Variants in PITRM1 observed in about 807,000 individuals in gnomAD.
PITRM1 encodes the protein pitrilysin metallopeptidase 1.
PITRM1 carries 100 observed loss-of-function variants against 129.9 expected under a neutral mutation model. That is an observed-to-expected ratio of 0.77 (90% confidence interval 0.65 to 0.91). The LOEUF (loss-of-function observed/expected upper bound fraction) is 0.91. PITRM1 is among the 40% of genes least tolerant of loss of function. The probability of loss-of-function intolerance (pLI) is 0.00; values close to 1 mark genes in which losing one functional copy is unlikely to be tolerated. For synonymous variants in PITRM1, 591 were observed against 508.8 expected (o/e 1.16, Z -2.17); for missense variants, 1,471 against 1,318.3 (o/e 1.12, Z -1.79).
intron 24 of PITRM1, among the ~76,000 whole-genome samples, chr10:3,140,213 G>A (rs1209549372): frequency 6.6e-6 from 1 of 152,208 alleles, no homozygotes; most frequent in Non-Finnish European, 1.5e-5. Context: ...AGAAGCTCTT[G>A]GATACCCACA....
Position 3,155,621 on chromosome 10 carries a change from G to A in PITRM1, c.1591C>T (p.Pro531Ser). 1 of 1,613,892 alleles carries A rather than the reference G, an allele frequency of 6.2e-7. No individual in the cohort carries two copies. Among genetic ancestry groups the A allele is most frequent in the Non-Finnish European group, 8.5e-7 (1 of 1,179,876 alleles). The change falls in exon 14 of 27, where the codon CCC becomes TCC. Residue 531 changes from proline (P) to serine (S), a missense_variant. Physicochemically the swap from Pro to Ser is moderately conservative, Grantham distance 74 (BLOSUM62 -1). Transcript: ENST00000224949. ...TCGTAGATCTGCTGCCTGTCTCCGGGGGACAGAGCCTCGACCTTCTGCTTG... is the reference window on the plus strand; with the variant it reads ...TCGTAGATCTGCTGCCTGTCTCCGGAGGACAGAGCCTCGACCTTCTGCTTG... The part of the protein sequence containing the change: ...KLKQKVEALS[P>S]GDRQQIYEKG...
Position 3,144,180 on chromosome 10 carries a change from C to T in PITRM1, c.2532+112G>A, listed in dbSNP as rs934472195. ...TGCACTGAACTCGCAACTCTAGGGA[C>T]ACGCCAGCCCCACAGACAGGCGGAC... On this transcript the variant is annotated intron_variant, in intron 22 of 26. Transcript: ENST00000224949. 4 of 664,056 alleles carry T rather than the reference C, an allele frequency of 6.0e-6. No homozygotes were observed. The African/African-American group carries it at 7.3e-5, about 12-fold the overall frequency. The allele number at this position is 664,056 out of a possible 1,614,324, so 41.1% of individuals were successfully genotyped here.
intron 2 of PITRM1, among the ~76,000 whole-genome samples, chr10:3,169,506 A>G (rs1048813011): frequency 2.0e-5 from 3 of 152,236 alleles, no homozygotes; most frequent in African/African-American, 7.2e-5. Flanking sequence ...CGTTTGCTAT[A>G]ACATCAAGCA....
rs1436995657 is a variant in PITRM1 at position 3,172,735 on chromosome 10, A to G, written c.38T>C (p.Leu13Pro). 1.3e-6 allele frequency: 2 copies of G among 1,545,080 alleles called. No homozygotes were observed. Among genetic ancestry groups the G allele is most frequent in the African/African-American group, 1.4e-5 (1 of 72,592 alleles). Reference sequence around the variant, plus strand: ...GTCTCACCCGCCGCTCAGCCGCCTCAGCACACACAGGCCCTGCCGCCCGCC... The same window carrying G: ...GTCTCACCCGCCGCTCAGCCGCCTCGGCACACACAGGCCCTGCCGCCCGCC... ...RCGGRQGLCV[L>P]RRLSGGHAHH... The change falls in exon 1 of 27, where the codon CTG becomes CCG. Residue 13 changes from leucine to proline, a missense_variant. Transcript: ENST00000224949.
chr10:3,145,937 C>G, intron 20 of PITRM1: 1 of 529,224 alleles, frequency 1.9e-6, no homozygotes, highest in Non-Finnish European at 3.4e-6. Flanking sequence ...CTAATGAAGC[C>G]GTCCATACGC....
Position 3,159,030 on chromosome 10 carries a change from T to C in PITRM1, c.1020A>G (p.Thr340=). The C allele has an allele frequency of 6.2e-7, 1 of 1,612,888 alleles. No individual in the cohort carries two copies. The highest frequency in any genetic ancestry group is 8.5e-7 in the Non-Finnish European group (1 of 1,179,480). Residue 340 remains threonine, a synonymous_variant, in exon 10 of 27, where the codon ACA becomes ACG. Coordinates refer to ENST00000224949, the MANE Select transcript of PITRM1 (RefSeq NM_014889.4). ...VSFLLPDITD[T]FEAFTLSLLS... is the part of the protein sequence containing the mutation. ...GAAGACTTAATGTGAAGGCTTCAAA[T>C]GTGTCGGTGATGCTGCATTGAAAAA...
At chr10:3,157,584 G>A (rs186156052) in intron 11 of PITRM1, 53 bp from the exon 12 acceptor site, 197 of 1,202,876 alleles carry the variant, frequency 1.6e-4, no homozygotes, top group Non-Finnish European at 2.2e-4. Flanking sequence ...GCTCATGCTT[G>A]TAATCCCAGC....
At chr10:3,141,827 G>C in intron 23 of PITRM1, 2 of 292,700 alleles carry the variant, frequency 6.8e-6, no homozygotes, top group Non-Finnish European at 1.4e-5. Context: ...GAGAAGTCAC[G>C]ACCATCTCGT....
intron 1 of PITRM1, among the ~76,000 whole-genome samples, chr10:3,171,175 A>C (rs1271319572): frequency 2.9e-5 from 4 of 140,136 alleles, no homozygotes; most frequent in East Asian, 4.2e-4. Context: ...AAAAAAAAAA[A>C]AAAAAAAAAC....
At chr10:3,153,166 G>A (rs946652976) in intron 14 of PITRM1, among the ~76,000 whole-genome samples, 2 of 152,190 alleles carry the variant, frequency 1.3e-5, no homozygotes, top group African/African-American at 4.8e-5. Flanking sequence ...GCTACACAGC[G>A]AGTGTGTAAA....
At chr10:3,143,869 C>A in intron 22 of PITRM1, 2 of 538,128 alleles carry the variant, frequency 3.7e-6, no homozygotes, top group Non-Finnish European at 3.5e-6. Flanking sequence ...TGTGTTAAAT[C>A]ACTCTACTCC....
chr10:3,138,246 G>T lies in PITRM1; in HGVS notation c.3009C>A (p.Ala1003=). The T allele has an allele frequency of 6.2e-7, 1 of 1,612,692 alleles. No homozygotes were observed. Among genetic ancestry groups the T allele is most frequent in the Middle Eastern group, 1.7e-4 (1 of 6,060 alleles). Residue 1003 remains alanine (A), a synonymous_variant, in exon 26 of 27, where the codon GCC becomes GCA. Transcript: ENST00000224949. ...CGCTCCCCACTCACCTATCGCTCAC[G>T]GCCAGGAGCTTGTCGTGGCTGACAG... is the stretch of plus-strand genomic sequence containing the variant. ...LFAVSHDKLL[A]VSDRYLGTGK... is the part of the protein sequence containing the mutation.
chr10:3,166,296 A>G lies in PITRM1; in HGVS notation c.351T>C (p.Tyr117=), dbSNP rs777116245. 71 of 1,612,250 alleles carry G rather than the reference A, an allele frequency of 4.4e-5. No individual in the cohort carries two copies. The East Asian group carries it at 5.4e-4, about 12-fold the overall frequency. ...TTTTGAAGAAAGGGTCTCTGCACGG[A>G]TATTTCTGAGACCCACAAAGGACGG... ...EHTVLCGSQK[Y]PCRDPFFKML... The change falls in exon 4 of 27, where the codon TAT becomes TAC. Residue 117 remains tyrosine (Y), a synonymous_variant. Coordinates refer to ENST00000224949, the MANE Select transcript of PITRM1 (RefSeq NM_014889.4).
intron 14 of PITRM1, among the ~76,000 whole-genome samples, 192 bp downstream of exon 14, chr10:3,155,399 C>T (rs935997088): frequency 6.6e-6 from 1 of 152,166 alleles, no homozygotes; most frequent in African/African-American, 2.4e-5. Context: ...ATGACTCCTG[C>T]GTTTCCTACT....
At chr10:3,147,374 T>TGG (rs1840999589) in intron 19 of PITRM1, 124 bp from the exon 20 acceptor site, 7 of 945,982 alleles carry the variant, frequency 7.4e-6, no homozygotes, top group Non-Finnish European at 1.2e-5. Flanking sequence ...GTGCACGGCT[T>TGG]GGGCAGGGCT....
chr10:3,159,187 G>A lies in PITRM1; in HGVS notation c.1008-145C>T, dbSNP rs753238402. 29 of 770,604 alleles carry A rather than the reference G, an allele frequency of 3.8e-5. No homozygotes were observed. The Admixed American group carries it at 4.2e-4, about 11-fold the overall frequency. 47.7% of individuals were successfully genotyped at this position (770,604 alleles called of 1,614,324 possible). On this transcript the variant is annotated intron_variant, in intron 9 of 26. Transcript: ENST00000224949. ...ATTTAACAATTTTATGAGCAGAAGA[G>A]AATTTTCCTTAAATACCGGGATTTT...
intron 14 of PITRM1, among the ~76,000 whole-genome samples, chr10:3,151,704 C>A (rs1841531249): frequency 6.6e-6 from 1 of 152,164 alleles, no homozygotes; most frequent in African/African-American, 2.4e-5. Context: ...CAAACCATTT[C>A]TTGATGGACT....
Position 3,144,330 on chromosome 10 carries a change from C to T in PITRM1, c.2494G>A (p.Val832Ile), listed in dbSNP as rs746483837. 34 of 1,562,838 alleles carry T rather than the reference C, an allele frequency of 2.2e-5. No individual in the cohort carries two copies. Among genetic ancestry groups the T allele is most frequent in the Middle Eastern group, 1.7e-4 (1 of 6,036 alleles). ...VPSSSGGDAH[V>I]PHGSQVIRKL... ...CTAATGACCTGGGAGCCATGGGGAA[C>T]GTGGGCATCTCCACCAGAGCTGCTG... The change falls in exon 22 of 27, where the codon GTT (valine) becomes ATT (isoleucine). Residue 832 changes from valine (V) to isoleucine (I), a missense_variant. Val to Ile is a conservative substitution (Grantham distance 29). Transcript: ENST00000224949.
chr10:3,153,764 CACTT>C (rs1482322843), intron 14 of PITRM1, among the ~76,000 whole-genome samples: 2 of 152,318 alleles, frequency 1.3e-5, no homozygotes, highest in African/African-American at 4.8e-5. Context: ...AAAATGGAGT[CACTT>C]ACTTTCCACC....
Sources: allele counts gnomAD v4.1 joint callset (sites outside exome capture counted in the v4.1 genomes callset), GRCh38; gene constraint gnomAD v4.1.1; transcripts MANE v1.5; gene names NCBI Gene and HGNC (gene_info 2026-07-23, HGNC 2026-07-21).